Variants in CTNNA2 observed in about 807,000 individuals in gnomAD.
CTNNA2 encodes catenin alpha-2.
Under a neutral mutation model 101.0 loss-of-function variants are expected in CTNNA2, and 42 were observed. The ratio of observed to expected loss-of-function variants is 0.42; its 90% CI spans 0.32 to 0.54. CTNNA2 has a LOEUF of 0.54. Ranked by LOEUF, CTNNA2 falls within the 20% of genes least tolerant of loss-of-function variation. The pLI is 0.14. For synonymous variants in CTNNA2, 450 were observed against 456.4 expected, an observed-to-expected ratio of 0.99 and a Z score of 0.18; for missense variants, 871 against 1,223.1, an observed-to-expected ratio of 0.71 and a Z score of 4.29.
chr2:80,371,755 G>A (rs1189706134), intron 7 of CTNNA2, among the ~76,000 whole-genome samples: 1 of 152,160 alleles, frequency 6.6e-6, no homozygotes, highest in Non-Finnish European at 1.5e-5. Context: ...AGCAATGGAG[G>A]TGGAAGGTAA....
chr2:80,575,704 G>A (rs1212577045), intron 13 of CTNNA2, among the ~76,000 whole-genome samples: 1 of 151,962 alleles, frequency 6.6e-6, no homozygotes, highest in Non-Finnish European at 1.5e-5. Flanking sequence ...TCACATGTTT[G>A]TCACAACCAT....
At chr2:80,566,266 C>T (rs1213241675) in intron 12 of CTNNA2, among the ~76,000 whole-genome samples, 1 of 152,152 alleles carries the variant, frequency 6.6e-6, no homozygotes, top group African/African-American at 2.4e-5. Flanking sequence ...AAGCCAGCAT[C>T]ATTTTTCATT....
rs568078524 is a variant in CTNNA2, at chr2:79,357,871, G to A, written c.-317-15960G>A. Among the ~76,000 whole-genome samples, 42 of 152,134 alleles carry A rather than the reference G, an allele frequency of 2.8e-4. No individual in the cohort carries two copies. The South Asian group carries it at 5.6e-3, about 20-fold the overall frequency. ...AGAAAAAGAAACGTTTTTTTAAAGCGAAGAAGGTGCTGTAAAACATCTTTG... is the reference window on the plus strand; with the variant it reads ...AGAAAAAGAAACGTTTTTTTAAAGCAAAGAAGGTGCTGTAAAACATCTTTG... On this transcript the variant is annotated intron_variant, in intron 3 of 21. Coordinates refer to the CTNNA2 transcript ENST00000466387.
chr2:79,971,179 C>T (rs1477110176), intron 7 of CTNNA2, among the ~76,000 whole-genome samples: 1 of 152,132 alleles, frequency 6.6e-6, no homozygotes, highest in East Asian at 1.9e-4. Context: ...CTCACTATGT[C>T]TTTGTTCAAT....
intron 2 of CTNNA2, among the ~76,000 whole-genome samples, chr2:79,689,421 C>T (rs1684145861): frequency 6.6e-6 from 1 of 151,832 alleles, no homozygotes; most frequent in African/African-American, 2.4e-5. Flanking sequence ...GGACTGAAGC[C>T]CAGTTTCAAA....
chr2:80,070,056 C>T (rs1698231290), intron 7 of CTNNA2, among the ~76,000 whole-genome samples: 1 of 152,160 alleles, frequency 6.6e-6, no homozygotes, highest in Non-Finnish European at 1.5e-5. Context: ...CTACAATTTG[C>T]CCTGGTTAGT....
intron 3 of CTNNA2, among the ~76,000 whole-genome samples, chr2:79,338,276 G>A (rs1677042767): frequency 6.9e-6 from 1 of 145,886 alleles, no homozygotes; most frequent in African/African-American, 2.5e-5. Context: ...CAGGCAACTG[G>A]GTTACAAGAA....
chr2:79,950,509 G>T (rs1046764554), intron 7 of CTNNA2, among the ~76,000 whole-genome samples: 1 of 152,090 alleles, frequency 6.6e-6, no homozygotes, highest in Admixed American at 6.5e-5. Context: ...CTGACTTTAC[G>T]GCAGGCCTTA....
intron 9 of CTNNA2, among the ~76,000 whole-genome samples, chr2:80,423,255 G>T (rs1680694648): frequency 6.6e-6 from 1 of 151,480 alleles, no homozygotes; most frequent in Admixed American, 6.6e-5. Context: ...CTAACTTATT[G>T]GAATGGATAA....
At chr2:80,174,738 C>G (rs1705288767) in intron 7 of CTNNA2, among the ~76,000 whole-genome samples, 1 of 152,062 alleles carries the variant, frequency 6.6e-6, no homozygotes, top group African/African-American at 2.4e-5. Context: ...TGTTATCTTT[C>G]TCTCTTTTCC....
intron 15 of CTNNA2, among the ~76,000 whole-genome samples, chr2:80,602,648 G>A (rs964589761): frequency 2.0e-5 from 3 of 151,950 alleles, no homozygotes; most frequent in Admixed American, 6.6e-5. Flanking sequence ...TTTATTTTGC[G>A]CTAATAAAAA....
chr2:80,444,711 G>A (rs1682922331), intron 9 of CTNNA2, among the ~76,000 whole-genome samples: 1 of 152,148 alleles, frequency 6.6e-6, no homozygotes, highest in African/African-American at 2.4e-5. Flanking sequence ...AGACAGGAGA[G>A]AGTTTATTTT....
rs1681333972 is a variant in CTNNA2, at chr2:79,652,545, T to A, written c.102+887T>A. 2.6e-5 allele frequency among the ~76,000 whole-genome samples: 4 copies of A among 152,216 alleles called. No homozygotes were observed. In the South Asian group the frequency reaches 8.3e-4, roughly 32 times the overall value. ...TCTGACCTTTGCTTTTGTCCTTGCATCCCATCTCTGAAATTGTCTTTCCTA... is the reference window on the plus strand; with the variant it reads ...TCTGACCTTTGCTTTTGTCCTTGCAACCCATCTCTGAAATTGTCTTTCCTA... On this transcript the variant is annotated intron_variant, in intron 2 of 18. Transcript: ENST00000402739.
rs1239969640 is a variant in CTNNA2, at chr2:79,513,168, G to A, written c.-45G>A. ...CACTCCAGCTGCTGGGAACGGGCGA[G>A]AAAGAGGAGGAGGCGAGAAACTCCC... On this transcript the variant is annotated 5_prime_UTR_variant, in exon 1 of 19. Transcript: ENST00000402739. The A allele has an allele frequency of 2.0e-5, 3 of 152,756 alleles. No individual in the cohort carries two copies. The highest frequency in any genetic ancestry group is 7.2e-5 in the African/African-American group (3 of 41,450). The allele number at this position is 152,756 out of a possible 1,614,324, so 9.5% of individuals were successfully genotyped here.
intron 8 of CTNNA2, among the ~76,000 whole-genome samples, chr2:80,416,967 A>C (rs890172569): frequency 1.3e-5 from 2 of 151,788 alleles, no homozygotes; most frequent in African/African-American, 2.4e-5. Flanking sequence ...GTGATAATCT[A>C]TTTTTTCCTG....
intron 2 of CTNNA2, among the ~76,000 whole-genome samples, chr2:79,667,557 C>G (rs930085526): frequency 1.3e-5 from 2 of 151,958 alleles, no homozygotes; most frequent in Non-Finnish European, 2.9e-5. Context: ...ATTTTTATAC[C>G]TAACACAATC....
intron 2 of CTNNA2, among the ~76,000 whole-genome samples, chr2:79,221,916 G>T (rs1250113463): frequency 6.6e-6 from 1 of 152,140 alleles, no homozygotes; most frequent in Non-Finnish European, 1.5e-5. Context: ...GCTCTCAGAA[G>T]TGTAGAGGGT....
chr2:79,849,290 G>C (rs1047692995), intron 3 of CTNNA2, among the ~76,000 whole-genome samples: 8 of 148,138 alleles, frequency 5.4e-5, no homozygotes, highest in African/African-American at 1.8e-4. Context: ...TGCATGATAG[G>C]GTTTTTTTTT....
intron 3 of CTNNA2, among the ~76,000 whole-genome samples, chr2:79,355,483 A>T (rs1014384042): frequency 2.0e-5 from 3 of 152,160 alleles, no homozygotes; most frequent in African/African-American, 7.2e-5. Flanking sequence ...ACTTTAAAGT[A>T]TACAATTTAA....
Sources: gnomAD v4.1 joint callset for allele counts (sites outside exome capture counted in the v4.1 genomes callset) on GRCh38, gnomAD v4.1.1 for gene constraint, MANE v1.5 for transcripts, NCBI Gene and HGNC (gene_info 2026-07-23, HGNC 2026-07-21) for gene names.